The following SAMD12 variants were observed in gnomAD, a reference collection of about 807,000 sequenced individuals.
SAMD12 encodes sterile alpha motif domain-containing protein 12.
In SAMD12, 9 loss-of-function variants were observed where a neutral mutation model predicts 15.0. The observed-to-expected ratio is 0.60, with a 90% confidence interval of 0.36 to 1.05. SAMD12 has a LOEUF of 1.05. SAMD12 is among the 50% of genes least tolerant of loss of function. The pLI is 0.01. For missense variants in SAMD12, 230 were observed against 234.2 expected (o/e 0.98, Z 0.12); for synonymous variants, 86 against 90.1 (o/e 0.96, Z 0.25).
intron 2 of SAMD12, among the ~76,000 whole-genome samples, chr8:118,474,514 G>T (rs554961369): frequency 6.6e-6 from 1 of 151,774 alleles, no homozygotes; most frequent in African/African-American, 2.4e-5. Flanking sequence ...CCGAGTAGCT[G>T]GGATTACAGG....
chr8:118,231,956 G>T (rs1312932619), intron 4 of SAMD12, among the ~76,000 whole-genome samples: 1 of 152,028 alleles, frequency 6.6e-6, no homozygotes, highest in Non-Finnish European at 1.5e-5. Context: ...CAGCTGGATT[G>T]AATGGAGAAG....
the SAMD12 span, among the ~76,000 whole-genome samples, chr8:118,161,613 C>T: frequency 2.0e-5 from 3 of 147,912 alleles, no homozygotes; most frequent in Non-Finnish European, 4.5e-5. Context: ...ACAAATCTTA[C>T]ACTGGGAGAA....
intron 4 of SAMD12, among the ~76,000 whole-genome samples, chr8:118,321,144 A>AATAAATAAATATATATATAT (rs57107358): frequency 8.5e-5 from 8 of 94,494 alleles, no homozygotes; most frequent in African/African-American, 2.8e-4. Context: ...ATAGATAATA[A>AATAAATAAATATATATATAT]ATATATATAT....
chr8:118,178,582 C>T, the SAMD12 span, among the ~76,000 whole-genome samples: 1 of 152,154 alleles, frequency 6.6e-6, no homozygotes, highest in African/African-American at 2.4e-5. Context: ...TCTCCTGCCT[C>T]AGCCTCCCGA....
the SAMD12 span, among the ~76,000 whole-genome samples, chr8:118,180,821 A>C: frequency 6.6e-6 from 1 of 150,732 alleles, no homozygotes; most frequent in Admixed American, 6.6e-5. Context: ...TTGACCTCCC[A>C]AGGTACTGGG....
At chr8:118,286,916 A>C (rs1814056218) in intron 4 of SAMD12, among the ~76,000 whole-genome samples, 1 of 152,210 alleles carries the variant, frequency 6.6e-6, no homozygotes, top group Non-Finnish European at 1.5e-5. Flanking sequence ...CATCTAGGAA[A>C]GTAGCCTGCT....
At chr8:118,198,015 A>G (rs775000381) in intron 4 of SAMD12, among the ~76,000 whole-genome samples, 19 of 152,256 alleles carry the variant, frequency 1.2e-4, no homozygotes, top group Non-Finnish European at 2.5e-4. Context: ...ATTGGCATCC[A>G]GCCCTATGGC....
intron 2 of SAMD12, among the ~76,000 whole-genome samples, chr8:118,507,456 A>G (rs1193034813): frequency 6.6e-6 from 1 of 152,130 alleles, no homozygotes; most frequent in African/African-American, 2.4e-5. Context: ...GATACCAAGC[A>G]TGGTATGACC....
At chr8:118,472,415 A>T (rs942101484) in intron 2 of SAMD12, among the ~76,000 whole-genome samples, 1 of 151,870 alleles carries the variant, frequency 6.6e-6, no homozygotes, top group African/African-American at 2.4e-5. Context: ...GGCTTGGTGC[A>T]GTGGCTCATG....
chr8:118,286,400 C>A (rs1297111274), intron 4 of SAMD12, among the ~76,000 whole-genome samples: 1 of 152,080 alleles, frequency 6.6e-6, no homozygotes, highest in Admixed American at 6.6e-5. Flanking sequence ...TTTGTTGGGT[C>A]TTGTTCATCT....
At chr8:118,519,826 T>G (rs779035508) in intron 2 of SAMD12, among the ~76,000 whole-genome samples, 58 of 152,162 alleles carry the variant, frequency 3.8e-4, no homozygotes, top group Non-Finnish European at 5.7e-4. Context: ...CACAACTAAA[T>G]AAAATGACTT....
At chr8:118,349,284 G>A (rs1278658217) in intron 4 of SAMD12, among the ~76,000 whole-genome samples, 3 of 152,166 alleles carry the variant, frequency 2.0e-5, no homozygotes, top group African/African-American at 7.2e-5. Flanking sequence ...ATCCTTCATC[G>A]AGATATATGA....
chr8:118,325,891 G>C (rs1028384931), intron 4 of SAMD12, among the ~76,000 whole-genome samples: 1 of 152,214 alleles, frequency 6.6e-6, no homozygotes, highest in Non-Finnish European at 1.5e-5. Context: ...TAGCAATACT[G>C]AATAATTTGG....
At chr8:118,258,837 A>G (rs1813012555) in intron 4 of SAMD12, among the ~76,000 whole-genome samples, 1 of 152,122 alleles carries the variant, frequency 6.6e-6, no homozygotes, top group African/African-American at 2.4e-5. Flanking sequence ...TGCCTGGCAG[A>G]AGCCTCTAAG....
chr8:118,493,942 G>C (rs549803562), intron 2 of SAMD12, among the ~76,000 whole-genome samples: 2 of 152,270 alleles, frequency 1.3e-5, no homozygotes, highest in South Asian at 4.1e-4. Flanking sequence ...CAAGGAGAAA[G>C]ATTTGAGTAT....
At chr8:118,557,597 C>T (rs1468886473) in intron 2 of SAMD12, among the ~76,000 whole-genome samples, 3 of 152,138 alleles carry the variant, frequency 2.0e-5, no homozygotes, top group Non-Finnish European at 4.4e-5. Flanking sequence ...GACCTGAGTT[C>T]TAGTGGTACA....
chr8:118,192,522 T>C (rs1819434287), exon 5 of SAMD12: 2 of 152,180 alleles, frequency 1.3e-5, no homozygotes, highest in Admixed American at 1.3e-4. Flanking sequence ...TTATTAATAC[T>C]CTGCACATGA....
At chr8:118,172,856 T>C in the SAMD12 span, among the ~76,000 whole-genome samples, 2 of 152,188 alleles carry the variant, frequency 1.3e-5, no homozygotes, top group Non-Finnish European at 2.9e-5. Flanking sequence ...CTCTTATTCA[T>C]CTTGCAGAAT....
intron 2 of SAMD12, among the ~76,000 whole-genome samples, chr8:118,555,538 A>G (rs1333968472): frequency 6.6e-6 from 1 of 152,240 alleles, no homozygotes; most frequent in Non-Finnish European, 1.5e-5. Context: ...TCCCAGGGAC[A>G]CTACATACAA....
Sources: allele counts gnomAD v4.1 joint callset (sites outside exome capture counted in the v4.1 genomes callset), GRCh38; gene constraint gnomAD v4.1.1; transcripts MANE v1.5; gene names NCBI Gene and HGNC (gene_info 2026-07-23, HGNC 2026-07-21).